The following PTPRE variants were observed in gnomAD, a reference collection of about 807,000 sequenced individuals.
PTPRE encodes the protein protein tyrosine phosphatase receptor type E.
PTPRE carries 51 observed loss-of-function variants against 102.0 expected under a neutral mutation model. That is an observed-to-expected ratio of 0.50 (90% CI 0.40 to 0.63). The LOEUF (loss-of-function observed/expected upper bound fraction) is 0.63. Ranked by LOEUF, PTPRE falls within the 30% of genes least tolerant of loss-of-function variation. The pLI, the probability that PTPRE is intolerant of heterozygous loss-of-function variation, is 0.00. For missense variants in PTPRE, 752 were observed against 915.1 expected, an observed-to-expected ratio of 0.82 and a Z score of 2.30; for synonymous variants, 345 against 348.2, an observed-to-expected ratio of 0.99 and a Z score of 0.10.
At chr10:127,967,214 A>T (rs1164108307) in intron 1 of PTPRE, among the ~76,000 whole-genome samples, 1 of 152,180 alleles carries the variant, frequency 6.6e-6, no homozygotes, top group Non-Finnish European at 1.5e-5. Context: ...TTGTTTGCTT[A>T]TTCATGTAGA....
chr10:128,018,951 TG>T (rs1447850366), intron 2 of PTPRE, among the ~76,000 whole-genome samples: 3 of 152,166 alleles, frequency 2.0e-5, no homozygotes, highest in African/African-American at 7.2e-5. Context: ...TCTACAGAAA[TG>T]ACTAATGTGC....
chr10:128,007,676 C>T (rs181061532), intron 2 of PTPRE, among the ~76,000 whole-genome samples: 121 of 152,286 alleles, frequency 7.9e-4, no homozygotes, highest in African/African-American at 2.6e-3. Context: ...CAGGCTCTGC[C>T]GTTTTACCAG....
chr10:127,953,527 A>G (rs1166011811), intron 1 of PTPRE, among the ~76,000 whole-genome samples: 1 of 152,234 alleles, frequency 6.6e-6, no homozygotes, highest in Non-Finnish European at 1.5e-5. Context: ...ACAGCAGCAC[A>G]CTATGATAAA....
At position 128,047,748 on chromosome 10, in the gene PTPRE, A is replaced by T; in HGVS notation, c.210-16A>T. On this transcript the variant is annotated splice_polypyrimidine_tract_variant and intron_variant, in intron 4 of 20. Coordinates refer to ENST00000254667, the MANE Select transcript of PTPRE (RefSeq NM_006504.6). Reference sequence around the variant, plus strand: ...ACCTAGAAGTGTGGAAACCTAACGCATCCTGTGTCTCTAAGGTTCAGGAAG... The same window carrying T: ...ACCTAGAAGTGTGGAAACCTAACGCTTCCTGTGTCTCTAAGGTTCAGGAAG... The T allele has an allele frequency of 1.9e-6, 3 of 1,612,072 alleles. No homozygotes were observed. The highest frequency in any genetic ancestry group is 2.5e-6 in the Non-Finnish European group (3 of 1,178,284).
chr10:128,084,831 A>G lies in PTPRE; in HGVS notation c.*1925A>G, dbSNP rs1851982260. ...ACATTTCTCTGGTCATTTATTTGAGAGTTCGAAGTCAAAGTCGAGGGGCAC... is the reference window on the plus strand; with the variant it reads ...ACATTTCTCTGGTCATTTATTTGAGGGTTCGAAGTCAAAGTCGAGGGGCAC... On this transcript the variant is annotated 3_prime_UTR_variant, in exon 21 of 21. Transcript: ENST00000254667. 1 of 164,152 alleles carries G rather than the reference A, an allele frequency of 6.1e-6. No individual in the cohort carries two copies. Among genetic ancestry groups the G allele is most frequent in the Admixed American group, 6.3e-5 (1 of 15,952 alleles). The allele number at this position is 164,152 out of a possible 1,614,324, so 10.2% of individuals were successfully genotyped here. A position where few individuals can be genotyped will look rare whatever the true frequency, so the allele number is the denominator to read the frequency against.
intron 1 of PTPRE, among the ~76,000 whole-genome samples, chr10:127,940,685 C>A (rs1050673610): frequency 1.3e-4 from 20 of 152,158 alleles, no homozygotes; most frequent in Admixed American, 1.3e-3. Context: ...TATTGTCCAT[C>A]GTTTCTTGAG....
chr10:128,067,284 CCA>C (rs1324233101), intron 11 of PTPRE, among the ~76,000 whole-genome samples: 5 of 142,656 alleles, frequency 3.5e-5, no homozygotes, highest in East Asian at 2.1e-4. Context: ...ACACACGCAC[CCA>C]CACACGCACA....
In PTPRE at chr10:127,946,311, A is replaced by C. The variant is rs189279636; in HGVS notation, c.-30-35963A>C. Among the ~76,000 whole-genome samples the C allele has an allele frequency of 5.9e-5, 9 of 152,304 alleles. No individual in the cohort carries two copies. The East Asian group carries it at 1.4e-3, about 23-fold the overall frequency. On this transcript the variant is annotated intron_variant, in intron 1 of 20. Coordinates refer to ENST00000254667, the MANE Select transcript of PTPRE (RefSeq NM_006504.6). Reference sequence around the variant, plus strand: ...ATTTCACTGATATTGATAACTTACTATGTGGCCGATCCTGCTCAAGGGCCT... The same window carrying C: ...ATTTCACTGATATTGATAACTTACTCTGTGGCCGATCCTGCTCAAGGGCCT...
chr10:128,078,987 G>C (rs972676725), intron 19 of PTPRE, among the ~76,000 whole-genome samples: 1 of 152,210 alleles, frequency 6.6e-6, no homozygotes, highest in Non-Finnish European at 1.5e-5. Flanking sequence ...CTCTGCTCTT[G>C]TGGGGTTTAT....
intron 1 of PTPRE, among the ~76,000 whole-genome samples, chr10:127,971,499 G>T (rs1392489871): frequency 6.6e-6 from 1 of 152,170 alleles, no homozygotes. Context: ...ACTCGGTGCC[G>T]CCCTGAGGTG....
chr10:128,013,896 G>C (rs1845215743), intron 2 of PTPRE, among the ~76,000 whole-genome samples: 1 of 152,124 alleles, frequency 6.6e-6, no homozygotes. Context: ...AGGCAGGGCT[G>C]TGTTTGTTGT....
chr10:127,917,671 AT>A lies in PTPRE; in HGVS notation c.-31+10370del, dbSNP rs896884658. ...CAGAGCGAGAACCTGTCTCAAAAAAATTTTTTTTATTTTGAAAATTGGGTTA... is the reference window on the plus strand; with the variant it reads ...CAGAGCGAGAACCTGTCTCAAAAAAATTTTTTTATTTTGAAAATTGGGTTA... On this transcript the variant is annotated intron_variant, in intron 1 of 20. Coordinates refer to ENST00000254667, the MANE Select transcript of PTPRE (RefSeq NM_006504.6). 8.5e-4 allele frequency among the ~76,000 whole-genome samples: 129 copies of A among 152,018 alleles called. 2 individuals carry two copies. The highest frequency in any genetic ancestry group is 2.4e-4 in the Non-Finnish European group (16 of 68,004).
chr10:128,070,725 C>A lies in PTPRE; in HGVS notation c.1294-83C>A. On this transcript the variant is annotated intron_variant, in intron 14 of 20. Coordinates refer to ENST00000254667, the MANE Select transcript of PTPRE (RefSeq NM_006504.6). This position sits in a 1 kb window ranked among gnomAD's most constrained non-coding sequence, Gnocchi z 4.8. ...GGTTTCCTTTGAGCAGGCGTCCTTG[C>A]CAGCAGCACTAGTCCTCGGCTGAGC... 1 of 1,444,056 alleles carries A rather than the reference C, an allele frequency of 6.9e-7. No individual in the cohort carries two copies. Among genetic ancestry groups the A allele is most frequent in the Non-Finnish European group, 9.6e-7 (1 of 1,045,294 alleles). The allele number at this position is 1,444,056 out of a possible 1,614,324, so 89.5% of individuals were successfully genotyped here.
chr10:128,063,512 A>T (rs1054971802), intron 10 of PTPRE, among the ~76,000 whole-genome samples: 27 of 152,226 alleles, frequency 1.8e-4, no homozygotes, highest in Non-Finnish European at 3.8e-4. Flanking sequence ...TGAGCGTGTC[A>T]TGCGGCAGAG....
At chr10:127,931,973 G>T (rs1847479332) in intron 1 of PTPRE, among the ~76,000 whole-genome samples, 1 of 152,118 alleles carries the variant, frequency 6.6e-6, no homozygotes, top group Non-Finnish European at 1.5e-5. Flanking sequence ...GGTCAGCCAA[G>T]TTTTGACTTA....
chr10:127,922,843 C>T (rs1289900050), intron 1 of PTPRE, among the ~76,000 whole-genome samples: 2 of 152,212 alleles, frequency 1.3e-5, no homozygotes, highest in African/African-American at 4.8e-5. Context: ...TCCCATCTTC[C>T]CTCCCCCTCT....
intron 1 of PTPRE, among the ~76,000 whole-genome samples, chr10:127,967,041 A>G (rs1353332991): frequency 3.9e-5 from 6 of 152,200 alleles, no homozygotes; most frequent in Non-Finnish European, 7.3e-5. Context: ...TTCAAGGGCA[A>G]AGTCAGGCCA....
At chr10:128,049,738 G>C in intron 6 of PTPRE, 72 bp downstream of exon 6, 1 of 1,596,392 alleles carries the variant, frequency 6.3e-7, no homozygotes, top group Non-Finnish European at 8.6e-7. Flanking sequence ...TAGAGTTCAG[G>C]ATGAATTATC....
At chr10:127,957,935 A>T (rs903064833) in intron 1 of PTPRE, among the ~76,000 whole-genome samples, 4 of 152,232 alleles carry the variant, frequency 2.6e-5, no homozygotes, top group Non-Finnish European at 5.9e-5. Flanking sequence ...TAGGTATTTC[A>T]TATTTAGGGA....
Sources: gnomAD v4.1 joint callset for allele counts (sites outside exome capture counted in the v4.1 genomes callset) on GRCh38, gnomAD v4.1.1 for gene constraint, Gnocchi (gnomAD v3.1) non-coding constraint, MANE v1.5 for transcripts, NCBI Gene and HGNC (gene_info 2026-07-23, HGNC 2026-07-21) for gene names.